Variants in YJU2 observed in about 807,000 individuals in gnomAD.
The protein encoded by YJU2 is YJU2 splicing factor homolog, also known as splicing factor YJU2.
In YJU2, 28 loss-of-function variants were observed where a neutral mutation model predicts 39.6. That is an observed-to-expected ratio of 0.71 (90% CI 0.52 to 0.97). YJU2 has a LOEUF of 0.97. Among genes scored for constraint, YJU2 ranks in the 50% least tolerant of loss-of-function variants. The pLI is 0.00. For missense variants in YJU2, 328 were observed against 430.4 expected, an observed-to-expected ratio of 0.76 and a Z score of 2.11; for synonymous variants, 184 against 182.4, an observed-to-expected ratio of 1.01 and a Z score of -0.07.
chr19:4,267,853 A>G (rs2144702237), intron 7 of YJU2, 79 bp downstream of exon 7: 1 of 1,392,836 alleles, frequency 7.2e-7, no homozygotes, highest in Non-Finnish European at 9.7e-7. Flanking sequence ...TTGCAGTTAC[A>G]GAGACTTCAT....
intron 3 of YJU2, among the ~76,000 whole-genome samples, chr19:4,254,029 T>C (rs1405804002): frequency 6.6e-6 from 1 of 152,106 alleles, no homozygotes; most frequent in Non-Finnish European, 1.5e-5. Flanking sequence ...AGGCTGGTCT[T>C]GAATACCTGA....
chr19:4,265,985 G>A (rs1300209570), intron 6 of YJU2, among the ~76,000 whole-genome samples: 9 of 136,382 alleles, frequency 6.6e-5, no homozygotes, highest in Non-Finnish European at 1.4e-4. Flanking sequence ...ACGGCGTCTC[G>A]CCCTGTCACC....
At chr19:4,251,211 G>A (rs1215034604) in intron 3 of YJU2, 40 bp downstream of exon 3, 2 of 1,605,004 alleles carry the variant, frequency 1.2e-6, no homozygotes, top group East Asian at 4.5e-5. Context: ...CTCTCCCCCA[G>A]CACACCTCAG....
At chr19:4,254,862 C>A (rs920601383) in intron 4 of YJU2, among the ~76,000 whole-genome samples, 9 of 151,978 alleles carry the variant, frequency 5.9e-5, no homozygotes, top group African/African-American at 2.2e-4. Context: ...TTGAGACCAG[C>A]CTGACCAACA....
At chr19:4,250,826 C>T (rs1970970074) in intron 2 of YJU2, among the ~76,000 whole-genome samples, 1 of 151,970 alleles carries the variant, frequency 6.6e-6, no homozygotes, top group South Asian at 2.1e-4. Context: ...TGGACTGAGC[C>T]CCAGGAAGAT....
chr19:4,268,029 C>T (rs534201049), intron 7 of YJU2, among the ~76,000 whole-genome samples: 4 of 151,464 alleles, frequency 2.6e-5, no homozygotes, highest in East Asian at 1.9e-4. Context: ...CTCGGCTCAC[C>T]GCAACCTCCG....
chr19:4,263,073 CAAA>C (rs748864015), intron 6 of YJU2, among the ~76,000 whole-genome samples: 4 of 106,438 alleles, frequency 3.8e-5, no homozygotes, highest in Admixed American at 2.1e-4. Context: ...GACTCTGTCT[CAAA>C]AAAAAAAAAA....
intron 5 of YJU2, 40 bp from the exon 6 acceptor site, chr19:4,261,954 C>T (rs1312322325): frequency 2.5e-6 from 4 of 1,603,802 alleles, no homozygotes; most frequent in African/African-American, 2.7e-5. Flanking sequence ...CACTGTTCCC[C>T]AAACAGAGCA....
chr19:4,267,872 TG>T, intron 7 of YJU2, 98 bp downstream of exon 7: 2 of 1,195,676 alleles, frequency 1.7e-6, no homozygotes, highest in Non-Finnish European at 2.3e-6. Flanking sequence ...ATGGGGTGGG[TG>T]GGGGCGGCCT....
At chr19:4,255,837 T>A (rs1309680420) in intron 4 of YJU2, among the ~76,000 whole-genome samples, 1 of 150,340 alleles carries the variant, frequency 6.7e-6, no homozygotes, top group Non-Finnish European at 1.5e-5. Flanking sequence ...CGAAACCCTG[T>A]CTCTACTAAA....
intron 5 of YJU2, among the ~76,000 whole-genome samples, chr19:4,260,738 G>A (rs775825227): frequency 2.1e-4 from 32 of 152,054 alleles, no homozygotes; most frequent in Non-Finnish European, 4.7e-4. Flanking sequence ...GGGATGACAG[G>A]CATGAGCCAC....
At chr19:4,251,373 A>G (rs1435126931) in intron 3 of YJU2, among the ~76,000 whole-genome samples, 2 of 152,150 alleles carry the variant, frequency 1.3e-5, no homozygotes, top group African/African-American at 4.8e-5. Flanking sequence ...ACCTAGATAG[A>G]TAATAATAAG....
intron 3 of YJU2, 72 bp downstream of exon 3, chr19:4,251,243 C>A: frequency 7.0e-7 from 1 of 1,429,008 alleles, no homozygotes; most frequent in Non-Finnish European, 9.7e-7. Flanking sequence ...CCCTGGGGTT[C>A]CTTAACTCCA....
At position 4,247,563 on chromosome 19, in the gene YJU2, GGGGT is replaced by G. The variant is rs1970930457; in HGVS notation, c.24+397_24+400del. On this transcript the variant is annotated intron_variant, in intron 1 of 7. Coordinates refer to ENST00000262962, the MANE Select transcript of YJU2 (RefSeq NM_018074.6). ...CTGTAACCAATCGTGTACTTTGGGT[GGGGT>G]GGGGTGGGGTGGCGCGTGTGTGTGT... Among the ~76,000 whole-genome samples the G allele has an allele frequency of 2.8e-4, 26 of 91,944 alleles. 7 individuals carry two copies. Among genetic ancestry groups the G allele is most frequent in the African/African-American group, 2.3e-3 (25 of 11,006 alleles). The allele number at this position is 91,944 out of a possible 152,430, so 60.3% of individuals were successfully genotyped here.
chr19:4,248,228 G>A (rs1441469627), intron 1 of YJU2: 2 of 152,212 alleles, frequency 1.3e-5, no homozygotes, highest in Non-Finnish European at 2.9e-5. Context: ...CTGGGAAACA[G>A]GAGCCCTGGG....
In YJU2 at chr19:4,258,284, G is replaced by T; in HGVS notation, c.448G>T (p.Val150Leu). The change falls in exon 5 of 8, where the codon GTG (valine) becomes TTG (leucine). Residue 150 changes from valine to leucine, a missense_variant. Transcript: ENST00000262962. ...CAAGGACTCCAAGCTGGAGATGGAG[G>T]TGCTGGAGAACCTCCAGGAGCTGAA... ...RTKDSKLEME[V>L]LENLQELKDL... The T allele has an allele frequency of 1.3e-6, 2 of 1,560,082 alleles. No individual in the cohort carries two copies. Among genetic ancestry groups the T allele is most frequent in the Non-Finnish European group, 1.7e-6 (2 of 1,151,516 alleles).
chr19:4,265,722 G>T (rs2144700459), intron 6 of YJU2, among the ~76,000 whole-genome samples: 2 of 151,718 alleles, frequency 1.3e-5, no homozygotes, highest in Non-Finnish European at 2.9e-5. Context: ...CTGAGTAGCT[G>T]GGATTACAGG....
chr19:4,267,859 TTCA>T lies in YJU2; in HGVS notation c.859+87_859+89del. 16 of 1,330,646 alleles carry T rather than the reference TTCA, an allele frequency of 1.2e-5. No homozygotes were observed. The South Asian group carries it at 2.1e-4, about 17-fold the overall frequency. 82.4% of individuals were successfully genotyped at this position (1,330,646 alleles called of 1,614,324 possible). A position where few individuals can be genotyped will look rare whatever the true frequency, so the allele number is the denominator to read the frequency against. On this transcript the variant is annotated intron_variant, in intron 7 of 7. Coordinates refer to ENST00000262962, the MANE Select transcript of YJU2 (RefSeq NM_018074.6). Reference sequence around the variant, plus strand: ...CAGCTCCCTTTGCAGTTACAGAGACTTCATGGGGTGGGTGGGGGCGGCCTGCGA... The same window carrying T: ...CAGCTCCCTTTGCAGTTACAGAGACTTGGGGTGGGTGGGGGCGGCCTGCGA...
intron 4 of YJU2, among the ~76,000 whole-genome samples, chr19:4,256,007 C>T (rs984081852): frequency 3.3e-5 from 5 of 151,262 alleles, no homozygotes; most frequent in African/African-American, 1.2e-4. Context: ...AACTCTGTCT[C>T]AACAACAACA....
Sources: allele counts gnomAD v4.1 joint callset (sites outside exome capture counted in the v4.1 genomes callset), GRCh38; gene constraint gnomAD v4.1.1; transcripts MANE v1.5; gene names NCBI Gene and HGNC (gene_info 2026-07-23, HGNC 2026-07-21).